SLC44A5: variants seen among roughly 807,000 people sequenced by gnomAD.
SLC44A5 encodes the protein solute carrier family 44 member 5, also known as choline transporter-like protein 5.
Under a neutral mutation model 101.8 loss-of-function variants are expected in SLC44A5, and 57 were observed. That is an observed-to-expected ratio of 0.56 (90% CI 0.45 to 0.70). SLC44A5 has a LOEUF of 0.70. SLC44A5 is among the 30% of genes least tolerant of loss of function. The pLI is 0.00. For missense variants in SLC44A5, 737 were observed against 853.1 expected, an observed-to-expected ratio of 0.86 and a Z score of 1.70; for synonymous variants, 281 against 290.9, an observed-to-expected ratio of 0.97 and a Z score of 0.35.
intron 6 of SLC44A5, among the ~76,000 whole-genome samples, chr1:75,268,246 C>T (rs1651168011): frequency 6.6e-6 from 1 of 152,082 alleles, no homozygotes. Context: ...AGTGCTCTTC[C>T]CAGGGCTTTT....
Position 75,306,986 on chromosome 1 carries a change from C to T in SLC44A5, c.102-6301G>A, listed in dbSNP as rs149427180. Among the ~76,000 whole-genome samples the T allele has an allele frequency of 2.8e-3, 427 of 152,052 alleles. 2 individuals carry two copies. Among genetic ancestry groups the T allele is most frequent in the Non-Finnish European group, 5.1e-3 (344 of 67,970 alleles). On this transcript the variant is annotated intron_variant, in intron 4 of 23. Coordinates refer to ENST00000370859, the MANE Select transcript of SLC44A5 (RefSeq NM_001130058.2). The stretch of plus-strand genomic sequence containing the variant: ...ATCTCCTGACCTCGTGATCCACCCG[C>T]CTCGGCCTCCCAAAGTGCTGGGATT...
chr1:75,603,753 G>GTTTTTTTTTTTTTTTTTTT (rs57844833), intron 1 of SLC44A5, among the ~76,000 whole-genome samples: 1 of 54,090 alleles, frequency 1.8e-5, no homozygotes, highest in African/African-American at 9.2e-5. Flanking sequence ...ATTTTTTCAT[G>GTTTTTTTTTTTTTTTTTTT]TTTTTTTTTT....
intron 2 of SLC44A5, among the ~76,000 whole-genome samples, chr1:75,481,765 G>C (rs1293456205): frequency 6.6e-6 from 1 of 152,178 alleles, no homozygotes; most frequent in Non-Finnish European, 1.5e-5. Flanking sequence ...ACAGGTGCTG[G>C]AGAAGATGTG....
the SLC44A5 span, among the ~76,000 whole-genome samples, chr1:75,691,893 C>T: frequency 6.6e-6 from 1 of 152,248 alleles, no homozygotes; most frequent in Non-Finnish European, 1.5e-5. Flanking sequence ...AATTATTTCC[C>T]AAAGGCCTCA....
chr1:75,527,840 A>T (rs937795236), intron 2 of SLC44A5, among the ~76,000 whole-genome samples: 4 of 152,150 alleles, frequency 2.6e-5, no homozygotes, highest in Non-Finnish European at 5.9e-5. Context: ...CTTTTGTATC[A>T]CATATACGAT....
At chr1:75,431,098 A>G (rs1664587874) in intron 2 of SLC44A5, among the ~76,000 whole-genome samples, 1 of 152,092 alleles carries the variant, frequency 6.6e-6, no homozygotes, top group Non-Finnish European at 1.5e-5. Context: ...ATTCCATGGG[A>G]AAAAAAATCC....
At chr1:75,391,253 A>C (rs889733268) in intron 3 of SLC44A5, among the ~76,000 whole-genome samples, 1 of 152,196 alleles carries the variant, frequency 6.6e-6, no homozygotes, top group Non-Finnish European at 1.5e-5. Flanking sequence ...TGGAAGAATC[A>C]ATATTGTTTA....
chr1:75,570,361 A>C (rs1241974573), intron 1 of SLC44A5, among the ~76,000 whole-genome samples: 2 of 152,260 alleles, frequency 1.3e-5, no homozygotes, highest in Non-Finnish European at 2.9e-5. Context: ...GAAGTGAACG[A>C]AACACAGAAA....
At chr1:75,205,115 G>C (rs1280858730) in intron 23 of SLC44A5, 3 of 152,196 alleles carry the variant, frequency 2.0e-5, no homozygotes, top group Non-Finnish European at 4.4e-5. Flanking sequence ...TGTAAGCCAA[G>C]AACAAGCTGG....
At chr1:75,371,482 A>G (rs1166869943) in intron 3 of SLC44A5, among the ~76,000 whole-genome samples, 2 of 152,224 alleles carry the variant, frequency 1.3e-5, no homozygotes, top group East Asian at 3.9e-4. Flanking sequence ...CAACATATCC[A>G]AAGACCCAAG....
At chr1:75,536,328 G>A (rs748372313) in intron 2 of SLC44A5, among the ~76,000 whole-genome samples, 11 of 151,860 alleles carry the variant, frequency 7.2e-5, no homozygotes, top group South Asian at 4.2e-4. Flanking sequence ...GGCCAGACGC[G>A]GTGGCTCACG....
intron 2 of SLC44A5, among the ~76,000 whole-genome samples, chr1:75,478,585 A>T (rs1667598522): frequency 6.6e-6 from 1 of 152,034 alleles, no homozygotes; most frequent in Non-Finnish European, 1.5e-5. Context: ...AAACAAAAAA[A>T]GGCAGGGGTT....
intron 5 of SLC44A5, among the ~76,000 whole-genome samples, chr1:75,299,501 A>G (rs1433374177): frequency 6.6e-6 from 1 of 152,170 alleles, no homozygotes; most frequent in Non-Finnish European, 1.5e-5. Context: ...AATACATTCT[A>G]TCCACATTGA....
the SLC44A5 span, among the ~76,000 whole-genome samples, chr1:75,630,436 G>T: frequency 9.2e-5 from 14 of 152,208 alleles, no homozygotes; most frequent in African/African-American, 2.9e-4. Context: ...CGCCAGACTG[G>T]GCAGTTCCAG....
chr1:75,607,477 G>A (rs149407548), intron 1 of SLC44A5, among the ~76,000 whole-genome samples: 120 of 152,016 alleles, frequency 7.9e-4, no homozygotes, highest in African/African-American at 2.8e-3. Context: ...TATTCAAAGT[G>A]TACAACATGA....
At chr1:75,701,946 A>C in the SLC44A5 span, among the ~76,000 whole-genome samples, 1 of 152,196 alleles carries the variant, frequency 6.6e-6, no homozygotes, top group African/African-American at 2.4e-5. Context: ...AATCCAACCT[A>C]CAAGGGACAT....
chr1:75,236,505 A>G (rs1001492915), intron 11 of SLC44A5, among the ~76,000 whole-genome samples: 5 of 152,056 alleles, frequency 3.3e-5, no homozygotes, highest in African/African-American at 1.2e-4. Context: ...TGTAGCTTTC[A>G]TAACTACAAT....
chr1:75,507,607 T>C (rs769171276), intron 2 of SLC44A5, among the ~76,000 whole-genome samples: 8 of 152,098 alleles, frequency 5.3e-5, no homozygotes, highest in Non-Finnish European at 1.2e-4. Context: ...ATTTTTTAAA[T>C]GGTTTCAGTA....
intron 5 of SLC44A5, among the ~76,000 whole-genome samples, chr1:75,289,224 G>A (rs1448922213): frequency 6.6e-6 from 1 of 152,128 alleles, no homozygotes; most frequent in Non-Finnish European, 1.5e-5. Flanking sequence ...AGATAATCCA[G>A]GCTGCTTTAC....
Sources: allele counts gnomAD v4.1 joint callset (sites outside exome capture counted in the v4.1 genomes callset), GRCh38; gene constraint gnomAD v4.1.1; transcripts MANE v1.5; gene names NCBI Gene and HGNC (gene_info 2026-07-23, HGNC 2026-07-21).